Variants in DRC9 observed in about 807,000 individuals in gnomAD.
The protein encoded by DRC9 is dynein regulatory complex subunit 9.
the DRC9 span, among the ~76,000 whole-genome samples, chr3:197,947,411 T>C: frequency 6.6e-6 from 1 of 152,336 alleles, no homozygotes; most frequent in African/African-American, 2.4e-5. Context: ...CCACAAGGTC[T>C]GTATGATCTG....
the DRC9 span, among the ~76,000 whole-genome samples, chr3:197,930,555 AC>A: frequency 1.3e-5 from 2 of 149,854 alleles, no homozygotes; most frequent in African/African-American, 4.9e-5. Context: ...AGCCTGGTTA[AC>A]ATGGTGAGAC....
the DRC9 span, among the ~76,000 whole-genome samples, chr3:197,947,886 C>T: frequency 6.6e-6 from 1 of 150,566 alleles, no homozygotes; most frequent in African/African-American, 2.4e-5. Context: ...TCCTAGGTCC[C>T]GGGAGACTCC....
At chr3:197,951,135 T>G in the DRC9 span, 3 of 1,613,902 alleles carry the variant, frequency 1.9e-6, no homozygotes, top group Admixed American at 5.0e-5. Context: ...TTATGTTTCA[T>G]GTTGTGTATC....
chr3:197,929,555 T>C, the DRC9 span, among the ~76,000 whole-genome samples: 16 of 152,100 alleles, frequency 1.1e-4, no homozygotes, highest in African/African-American at 3.9e-4. This position sits in a 1 kb window ranked among gnomAD's most constrained non-coding sequence, Gnocchi z 4.6. Context: ...AAGGATCACT[T>C]GAGGCCAGGA....
chr3:197,955,786 T>C, the DRC9 span: 6 of 1,596,142 alleles, frequency 3.8e-6, no homozygotes, highest in Middle Eastern at 4.5e-4. Context: ...TAACGAAAAA[T>C]CAATAAATAA....
chr3:197,939,431 G>A, the DRC9 span, among the ~76,000 whole-genome samples: 3 of 152,318 alleles, frequency 2.0e-5, no homozygotes, highest in East Asian at 1.9e-4. Context: ...TTAAGGGACC[G>A]CAGGAACGGC....
chr3:197,928,515 A>G, the DRC9 span, among the ~76,000 whole-genome samples: 7 of 151,936 alleles, frequency 4.6e-5, no homozygotes, highest in Middle Eastern at 0.014. Context: ...ATGCCTCGCT[A>G]ATTTTTGCAT....
chr3:197,896,729 A>G, the DRC9 span, among the ~76,000 whole-genome samples: 1 of 152,122 alleles, frequency 6.6e-6, no homozygotes, highest in East Asian at 1.9e-4. Flanking sequence ...GCGGAATGGG[A>G]AAGGGATTTC....
At chr3:197,915,254 A>AAAG in the DRC9 span, among the ~76,000 whole-genome samples, 2 of 150,468 alleles carry the variant, frequency 1.3e-5, no homozygotes, top group African/African-American at 4.9e-5. Context: ...AAAAAAAAAA[A>AAAG]GAATAAGTAT....
chr3:197,943,849 TGTCCTCCAGA>T, the DRC9 span: 2 of 1,614,130 alleles, frequency 1.2e-6, no homozygotes, highest in Non-Finnish European at 1.7e-6. Flanking sequence ...TGGTCTGTGG[TGTCCTCCAGA>T]ACTGCCGAGA....
At chr3:197,913,810 G>A in the DRC9 span, 3 of 1,451,942 alleles carry the variant, frequency 2.1e-6, no homozygotes, top group South Asian at 1.1e-5. Flanking sequence ...TCCTTTGTTA[G>A]CTGAGAGGGG....
chr3:197,893,626 A>C, the DRC9 span, among the ~76,000 whole-genome samples: 3 of 151,528 alleles, frequency 2.0e-5, no homozygotes, highest in African/African-American at 7.3e-5. Flanking sequence ...GGCAGATCAC[A>C]GAGTCAGGAG....
At chr3:197,910,940 C>G in the DRC9 span, among the ~76,000 whole-genome samples, 1 of 150,802 alleles carries the variant, frequency 6.6e-6, no homozygotes, top group Non-Finnish European at 1.5e-5. Flanking sequence ...CCACTGCACT[C>G]CAGCCTGGGC....
chr3:197,950,901 C>A, the DRC9 span: 1 of 1,610,316 alleles, frequency 6.2e-7, no homozygotes, highest in Non-Finnish European at 8.5e-7. Flanking sequence ...ACTTGTGTGG[C>A]TTGGTTTTAA....
the DRC9 span, chr3:197,956,949 C>T: frequency 1.3e-5 from 2 of 152,192 alleles, no homozygotes; most frequent in Non-Finnish European, 2.9e-5. Context: ...TTAAATTGCA[C>T]TGAAAATGTC....
the DRC9 span, among the ~76,000 whole-genome samples, chr3:197,926,339 T>C: frequency 1.3e-5 from 2 of 152,194 alleles, no homozygotes; most frequent in Admixed American, 1.3e-4. Flanking sequence ...AGATTTGTTT[T>C]AATAGATTGG....
the DRC9 span, among the ~76,000 whole-genome samples, chr3:197,896,404 T>A: frequency 1.3e-5 from 2 of 151,884 alleles, no homozygotes; most frequent in African/African-American, 4.8e-5. Context: ...GAGAATGGCA[T>A]GCAAATAACT....
At chr3:197,953,674 T>G in the DRC9 span, 8 of 439,858 alleles carry the variant, frequency 1.8e-5, no homozygotes, top group African/African-American at 1.6e-4. Flanking sequence ...ATTCCTCCTT[T>G]CTGTACACAC....
the DRC9 span, among the ~76,000 whole-genome samples, chr3:197,904,782 C>A: frequency 6.6e-6 from 1 of 152,086 alleles, no homozygotes; most frequent in South Asian, 2.1e-4. Context: ...ATTGCTTGAA[C>A]CTGGGAGGCA....
Sources: allele counts gnomAD v4.1 joint callset (sites outside exome capture counted in the v4.1 genomes callset), GRCh38; gene constraint gnomAD v4.1.1; non-coding constraint Gnocchi (gnomAD v3.1); transcripts MANE v1.5; gene names NCBI Gene and HGNC (gene_info 2026-07-23, HGNC 2026-07-21).